The following DMD variants were observed in gnomAD, a reference collection of about 807,000 sequenced individuals.
DMD encodes dystrophin.
A neutral mutation model predicts 330.1 loss-of-function variants in DMD; 63 were observed. That is an observed-to-expected ratio of 0.19 (90% CI 0.16 to 0.24). DMD has a LOEUF of 0.24. DMD is among the 10% of genes least tolerant of loss of function. The pLI, the probability that DMD is intolerant of heterozygous loss-of-function variation, is 1.00. For synonymous variants in DMD, 1,223 were observed against 959.8 expected (o/e 1.27, Z -5.07); for missense variants, 3,344 against 2,684.1 (o/e 1.25, Z -5.43).
intron 44 of DMD, among the ~76,000 whole-genome samples, chrX:32,208,384 A>G (rs1385819702): frequency 8.9e-6 from 1 of 111,846 alleles, no homozygotes; most frequent in East Asian, 2.8e-4. Context: ...AGGCTCTCCA[A>G]GGGGACTCAA....
intron 7 of DMD, among the ~76,000 whole-genome samples, chrX:32,780,545 C>T (rs1219741009): frequency 4.6e-5 from 5 of 108,575 alleles, no homozygotes; most frequent in African/African-American, 1.8e-4. Flanking sequence ...TAAAGGTAAT[C>T]AGGAAGGCCT....
chrX:31,394,018 C>A (rs1485390118), intron 60 of DMD, among the ~76,000 whole-genome samples: 2 of 112,302 alleles, frequency 1.8e-5, no homozygotes, highest in Non-Finnish European at 3.8e-5. Flanking sequence ...ATAAATCTAG[C>A]TAGCTATGGC....
intron 44 of DMD, among the ~76,000 whole-genome samples, chrX:32,215,987 T>G (rs1338515139): frequency 2.7e-5 from 3 of 112,264 alleles, no homozygotes; most frequent in Non-Finnish European, 5.6e-5. Flanking sequence ...GAAACATATT[T>G]GAGAATGAAG....
At chrX:32,480,637 C>G (rs938745206) in intron 21 of DMD, among the ~76,000 whole-genome samples, 1 of 105,545 alleles carries the variant, frequency 9.5e-6, no homozygotes, top group Non-Finnish European at 1.9e-5. Context: ...TATGTACATA[C>G]GTATATGCAC....
intron 9 of DMD, among the ~76,000 whole-genome samples, chrX:32,684,798 TG>T (rs2062730300): frequency 9.0e-6 from 1 of 111,575 alleles, no homozygotes; most frequent in African/African-American, 3.2e-5. Flanking sequence ...ATTTTCCTAT[TG>T]GGGCATTCTA....
At chrX:33,219,306 T>TGTGTG (rs2052117939) in intron 1 of DMD, among the ~76,000 whole-genome samples, 46 of 72,990 alleles carry the variant, frequency 6.3e-4, no homozygotes, top group South Asian at 1.8e-3. Context: ...TTAGAGATTA[T>TGTGTG]TGTGTGTGTG....
rs770062785 is a variant in DMD at position 33,224,890 on chromosome X, T to C, written c.7+114369A>G. Among the ~76,000 whole-genome samples the C allele has an allele frequency of 2.7e-5, 3 of 111,740 alleles. No individual in the cohort carries two copies. In the South Asian group the frequency reaches 1.1e-3, roughly 42 times the overall value. ...CTAAAGGTTCTCCAAAAATAAAGTCTATTAACAATCACTTGCATTCTGTGA... is the reference window on the plus strand; with the variant it reads ...CTAAAGGTTCTCCAAAAATAAAGTCCATTAACAATCACTTGCATTCTGTGA... On this transcript the variant is annotated intron_variant, in intron 1 of 17. Coordinates refer to the DMD transcript ENST00000288447.
chrX:32,964,722 A>G (rs768702379), intron 2 of DMD, among the ~76,000 whole-genome samples: 12 of 111,708 alleles, frequency 1.1e-4, no homozygotes, highest in African/African-American at 3.9e-4. Flanking sequence ...ACAAAAAATC[A>G]AAACAAAACA....
chrX:32,247,064 A>G (rs986476800), intron 43 of DMD, among the ~76,000 whole-genome samples: 9 of 111,994 alleles, frequency 8.0e-5, no homozygotes, highest in African/African-American at 2.3e-4. Context: ...TGTTGAACCA[A>G]GTTTGAAAAC....
chrX:31,412,206 A>AGAG (rs1556626057), intron 60 of DMD, among the ~76,000 whole-genome samples: 2 of 94,183 alleles, frequency 2.1e-5, no homozygotes, highest in Non-Finnish European at 2.0e-5. Context: ...AAAAAAAAAA[A>AGAG]AGAGAGAGAG....
intron 1 of DMD, among the ~76,000 whole-genome samples, chrX:33,124,476 G>GAAAAAAAAAAAAAAAAAAAAA (rs56147804): frequency 6.2e-5 from 1 of 16,132 alleles, no homozygotes; most frequent in African/African-American, 2.7e-4. Flanking sequence ...GACTCTGTCT[G>GAAAAAAAAAAAAAAAAAAAAA]AAAAAAAAAA....
intron 44 of DMD, among the ~76,000 whole-genome samples, chrX:32,176,909 TA>T (rs1247186101): frequency 1.8e-5 from 2 of 111,558 alleles, no homozygotes; most frequent in Non-Finnish European, 3.8e-5. Flanking sequence ...CCTCTCCCCT[TA>T]TGCATTTAAC....
At chrX:31,873,483 C>T (rs1164643542) in intron 48 of DMD, among the ~76,000 whole-genome samples, 1 of 111,600 alleles carries the variant, frequency 9.0e-6, no homozygotes, top group African/African-American at 3.3e-5. Context: ...AGCAAAACAA[C>T]AGCTAAATGG....
intron 2 of DMD, among the ~76,000 whole-genome samples, chrX:33,015,018 C>T (rs1310857290): frequency 1.8e-5 from 2 of 110,979 alleles, no homozygotes; most frequent in Admixed American, 9.7e-5. Flanking sequence ...CAAAAAATAA[C>T]GTGCTGGTGG....
At chrX:31,521,892 C>T (rs954318683) in intron 55 of DMD, among the ~76,000 whole-genome samples, 1 of 111,411 alleles carries the variant, frequency 9.0e-6, no homozygotes, top group East Asian at 2.8e-4. Flanking sequence ...TGATGTTTTC[C>T]TTTTGTGGGC....
At chrX:32,967,891 T>A (rs751758987) in intron 2 of DMD, among the ~76,000 whole-genome samples, 1 of 112,179 alleles carries the variant, frequency 8.9e-6, no homozygotes, top group African/African-American at 3.2e-5. Flanking sequence ...TGAAGCCTCT[T>A]CTGACCTGTC....
chrX:32,689,046 T>C (rs1480863182), intron 9 of DMD, among the ~76,000 whole-genome samples: 1 of 111,185 alleles, frequency 9.0e-6, no homozygotes, highest in Non-Finnish European at 1.9e-5. Flanking sequence ...TCAGAAATAA[T>C]AAATGTAAAT....
At chrX:32,880,002 C>A (rs2083755371) in intron 2 of DMD, among the ~76,000 whole-genome samples, 2 of 110,190 alleles carry the variant, frequency 1.8e-5, no homozygotes, top group Admixed American at 9.7e-5. Flanking sequence ...ATATAGCCAC[C>A]AAATGTAACT....
intron 76 of DMD, among the ~76,000 whole-genome samples, chrX:31,136,670 G>A (rs2147804836): frequency 8.9e-6 from 1 of 112,491 alleles, no homozygotes; most frequent in South Asian, 3.7e-4. Context: ...ATTGTACTGT[G>A]TTAAAATTCA....
Sources: gnomAD v4.1 joint callset for allele counts (sites outside exome capture counted in the v4.1 genomes callset) on GRCh38, gnomAD v4.1.1 for gene constraint, MANE v1.5 for transcripts, NCBI Gene and HGNC (gene_info 2026-07-23, HGNC 2026-07-21) for gene names.